Variants in GLRA2 observed in about 807,000 individuals in gnomAD.
GLRA2 encodes the protein glycine receptor subunit alpha-2.
A neutral mutation model predicts 31.6 loss-of-function variants in GLRA2; 11 were observed. The ratio of observed to expected loss-of-function variants is 0.35; its 90% CI spans 0.22 to 0.58. GLRA2 has a LOEUF of 0.58. GLRA2 is among the 20% of genes least tolerant of loss of function. The pLI is 0.84. For missense variants in GLRA2, 212 were observed against 351.8 expected, an observed-to-expected ratio of 0.60 and a Z score of 3.18; for synonymous variants, 132 against 134.0, an observed-to-expected ratio of 0.99 and a Z score of 0.10.
At chrX:14,475,617 G>T in the GLRA2 span, among the ~76,000 whole-genome samples, 2 of 111,008 alleles carry the variant, frequency 1.8e-5, no homozygotes, top group African/African-American at 6.5e-5. Flanking sequence ...AAGAACCACT[G>T]CCTTAAAGAA....
At chrX:14,468,956 A>G in the GLRA2 span, among the ~76,000 whole-genome samples, 1 of 110,673 alleles carries the variant, frequency 9.0e-6, no homozygotes. Flanking sequence ...GGCTGCATAA[A>G]TGTCTTCTTT....
intron 7 of GLRA2, among the ~76,000 whole-genome samples, chrX:14,682,373 C>A (rs67580665): frequency 9.1e-6 from 1 of 110,157 alleles, no homozygotes; most frequent in African/African-American, 3.3e-5. Context: ...TAGTGTAAGG[C>A]AGGTGGTGAT....
At chrX:14,691,272 T>A (rs113007128) in intron 8 of GLRA2, among the ~76,000 whole-genome samples, 331 of 2,169 alleles carry the variant, frequency 0.15, 2 homozygotes, top group African/African-American at 0.28. Flanking sequence ...AAATATTGAC[T>A]GTGTGTGTGT....
chrX:14,516,720 C>T, the GLRA2 span, among the ~76,000 whole-genome samples: 1 of 111,604 alleles, frequency 9.0e-6, no homozygotes, highest in African/African-American at 3.3e-5. Context: ...TTTTGGAATG[C>T]TCACTGTTGG....
chrX:14,498,571 T>A, the GLRA2 span, among the ~76,000 whole-genome samples: 1 of 111,102 alleles, frequency 9.0e-6, no homozygotes, highest in African/African-American at 3.3e-5. Context: ...ATCAGTGCAA[T>A]TGGGATATCT....
intron 2 of GLRA2, among the ~76,000 whole-genome samples, chrX:14,555,590 C>T (rs547946143): frequency 6.2e-5 from 7 of 112,031 alleles, no homozygotes; most frequent in African/African-American, 2.3e-4. Flanking sequence ...AGCAGTGTTT[C>T]TCATTGGTGA....
At chrX:14,528,205 G>A (rs990307598), upstream of GLRA2, among the ~76,000 whole-genome samples, 3 of 111,641 alleles carry the variant, frequency 2.7e-5, no homozygotes, top group African/African-American at 9.8e-5. Flanking sequence ...AGACCTACTG[G>A]ATCATAATCT....
At chrX:14,597,945 C>T (rs1271579106) in intron 4 of GLRA2, among the ~76,000 whole-genome samples, 1 of 111,615 alleles carries the variant, frequency 9.0e-6, no homozygotes, top group African/African-American at 3.3e-5. Context: ...ATGCTTGACC[C>T]ACAGCAGGTG....
At chrX:14,461,605 G>A in the GLRA2 span, among the ~76,000 whole-genome samples, 1 of 111,502 alleles carries the variant, frequency 9.0e-6, no homozygotes, top group Non-Finnish European at 1.9e-5. Flanking sequence ...TTATGTAATG[G>A]CCTTTTTTGT....
chrX:14,652,314 C>T (rs1276033236), intron 7 of GLRA2, among the ~76,000 whole-genome samples: 1 of 111,558 alleles, frequency 9.0e-6, no homozygotes, highest in Admixed American at 9.6e-5. Flanking sequence ...TAAGTAAGGG[C>T]AGAAAATCAT....
the GLRA2 span, among the ~76,000 whole-genome samples, chrX:14,472,264 A>G: frequency 8.9e-6 from 1 of 112,493 alleles, no homozygotes; most frequent in East Asian, 2.8e-4. Context: ...ACAGACATGC[A>G]CAAAGACTTT....
intron 7 of GLRA2, among the ~76,000 whole-genome samples, chrX:14,674,975 T>C (rs2091130395): frequency 8.9e-6 from 1 of 112,122 alleles, no homozygotes; most frequent in Non-Finnish European, 1.9e-5. Context: ...ATTCCTGCCC[T>C]TGTTAGATAA....
intron 7 of GLRA2, among the ~76,000 whole-genome samples, chrX:14,689,923 G>C (rs1185713091): frequency 8.9e-6 from 1 of 111,955 alleles, no homozygotes; most frequent in Non-Finnish European, 1.9e-5. Context: ...CAAATTATAA[G>C]ACTTACTAAA....
chrX:14,462,475 C>T, the GLRA2 span, among the ~76,000 whole-genome samples: 1 of 112,081 alleles, frequency 8.9e-6, no homozygotes, highest in Admixed American at 9.4e-5. Context: ...CAGTCACTTT[C>T]ACGTACACCA....
chrX:14,717,109 T>C (rs2091798771), intron 8 of GLRA2, among the ~76,000 whole-genome samples: 1 of 111,556 alleles, frequency 9.0e-6, no homozygotes, highest in Admixed American at 9.5e-5. Flanking sequence ...CCAAGTCCAG[T>C]GCCTGCCCTA....
At chrX:14,460,841 T>A in the GLRA2 span, among the ~76,000 whole-genome samples, 76 of 111,552 alleles carry the variant, frequency 6.8e-4, no homozygotes, top group African/African-American at 2.2e-3. Flanking sequence ...TGAAGGGTTT[T>A]TTTTGTCTCT....
chrX:14,528,793 A>G (rs1169936619), upstream of GLRA2, among the ~76,000 whole-genome samples: 1 of 111,025 alleles, frequency 9.0e-6, no homozygotes, highest in African/African-American at 3.3e-5. Flanking sequence ...CTAACCTTTA[A>G]CCATGGCAAG....
At chrX:14,567,362 C>G (rs2089820732) in intron 2 of GLRA2, among the ~76,000 whole-genome samples, 1 of 112,078 alleles carries the variant, frequency 8.9e-6, no homozygotes, top group East Asian at 2.8e-4. Context: ...ATCACCTCAA[C>G]TGATGCAGAA....
chrX:14,493,688 TAC>T, the GLRA2 span, among the ~76,000 whole-genome samples: 5 of 97,048 alleles, frequency 5.2e-5, no homozygotes, highest in African/African-American at 1.6e-4. Context: ...TGTATACATA[TAC>T]ACGTATATAT....
Sources: gnomAD v4.1 joint callset for allele counts (sites outside exome capture counted in the v4.1 genomes callset) on GRCh38, gnomAD v4.1.1 for gene constraint, MANE v1.5 for transcripts, NCBI Gene and HGNC (gene_info 2026-07-23, HGNC 2026-07-21) for gene names.